GRPR: variants seen among roughly 807,000 people sequenced by gnomAD.
GRPR encodes gastrin-releasing peptide receptor.
Under a neutral mutation model 15.6 loss-of-function variants are expected in GRPR, and 4 were observed. The ratio of observed to expected loss-of-function variants is 0.26; its 90% confidence interval spans 0.13 to 0.59. GRPR has a LOEUF of 0.59. Ranked by LOEUF, GRPR falls within the 20% of genes least tolerant of loss-of-function variation. GRPR has a pLI of 0.90. For synonymous variants in GRPR, 128 were observed against 126.8 expected (o/e 1.01, Z -0.06); for missense variants, 270 against 304.1 (o/e 0.89, Z 0.83).
At chrX:16,129,136 G>T (rs2147030618) in intron 1 of GRPR, among the ~76,000 whole-genome samples, 1 of 111,900 alleles carries the variant, frequency 8.9e-6, no homozygotes, top group African/African-American at 3.2e-5. Flanking sequence ...TTGATTCTAT[G>T]GAAAGACTGG....
rs756001137 is a variant in GRPR at position 16,126,903 on chromosome X, C to G, written c.413+2537C>G. On this transcript the variant is annotated intron_variant, in intron 1 of 2. Coordinates refer to ENST00000380289, the MANE Select transcript of GRPR (RefSeq NM_005314.3). ...ATGATGATAACCTGCTCTGGACATT[C>G]TTATTCATGTCTTTGGGGAAACATA... is the stretch of plus-strand genomic sequence containing the variant. 2.7e-5 allele frequency among the ~76,000 whole-genome samples: 3 copies of G among 111,674 alleles called. No individual in the cohort carries two copies. In the South Asian group the frequency reaches 1.1e-3, roughly 42 times the overall value.
At chrX:16,127,906 A>G (rs952255916) in intron 1 of GRPR, among the ~76,000 whole-genome samples, 3 of 112,028 alleles carry the variant, frequency 2.7e-5, no homozygotes, top group Non-Finnish European at 5.6e-5. Flanking sequence ...TTGAAATATC[A>G]GACTTATTAT....
Position 16,152,733 on chromosome X carries a change from C to T in GRPR, c.*88C>T. ...CATCCATTGTTGTGTCTGTGCCCTC[C>T]AAAGAGCCTTCAGAATGCTCCTGAG... On this transcript the variant is annotated 3_prime_UTR_variant, in exon 3 of 3. Coordinates refer to ENST00000380289, the MANE Select transcript of GRPR (RefSeq NM_005314.3). 1.3e-6 allele frequency: 1 copy of T among 793,532 alleles called. No homozygotes were observed. Among genetic ancestry groups the T allele is most frequent in the Non-Finnish European group, 1.9e-6 (1 of 520,357 alleles). 65.4% of individuals were successfully genotyped at this position (793,532 alleles called of 1,213,427 possible). A position where few individuals can be genotyped will look rare whatever the true frequency, so the allele number is the denominator to read the frequency against.
intron 1 of GRPR, among the ~76,000 whole-genome samples, chrX:16,144,408 C>T (rs1163376565): frequency 1.8e-5 from 2 of 111,694 alleles, no homozygotes; most frequent in African/African-American, 3.2e-5. Flanking sequence ...TCGTCTTCAC[C>T]TCAGTATTCT....
intron 1 of GRPR, among the ~76,000 whole-genome samples, chrX:16,126,702 C>T (rs1922298295): frequency 8.9e-6 from 1 of 112,105 alleles, no homozygotes; most frequent in Non-Finnish European, 1.9e-5. Flanking sequence ...AGCAAGTACT[C>T]CTTTGTATCT....
At position 16,123,978 on chromosome X, in the gene GRPR, C is replaced by T. The variant is rs752798443; in HGVS notation, c.25C>T (p.Leu9=). Residue 9 remains leucine (L), a synonymous_variant, in exon 1 of 3, where the codon CTG becomes TTG. Coordinates refer to ENST00000380289, the MANE Select transcript of GRPR (RefSeq NM_005314.3). MALNDCFL[L]NLEVDHFMHC... ...GATGGCTCTAAATGACTGTTTCCTT[C>T]TGAACTTGGAGGTGGACCATTTCAT... 5 of 1,209,818 alleles carry T rather than the reference C, an allele frequency of 4.1e-6. No individual in the cohort carries two copies. The East Asian group carries it at 1.2e-4, about 29-fold the overall frequency.
intron 1 of GRPR, among the ~76,000 whole-genome samples, chrX:16,126,399 C>G (rs1349186211): frequency 8.9e-6 from 1 of 111,906 alleles, no homozygotes; most frequent in Non-Finnish European, 1.9e-5. Context: ...ATTCTTCTAT[C>G]TTATATCTCT....
At position 16,150,583 on chromosome X, in the gene GRPR, A is replaced by G. The variant is rs138436537; in HGVS notation, c.692A>G (p.Tyr231Cys). The G allele has an allele frequency of 5.4e-4, 641 of 1,197,931 alleles. 1 individual carries two copies. In the East Asian group the frequency reaches 0.015, roughly 29 times the overall value. Residue 231 changes from tyrosine to cysteine, a missense_variant, in exon 2 of 3, where the codon TAC becomes TGC. Coordinates refer to ENST00000380289, the MANE Select transcript of GRPR (RefSeq NM_005314.3). ...CTGTCGATCATCTCTGTTTACTACT[A>G]CTTCATTGCTAAAAATCTGATCCAG... ...IPLSIISVYY[Y>C]FIAKNLIQSA...
intron 1 of GRPR, 143 bp downstream of exon 1, chrX:16,124,509 G>C (rs898657208): frequency 1.3e-5 from 7 of 548,573 alleles, no homozygotes; most frequent in Non-Finnish European, 2.2e-5. Context: ...TTTTATTCTG[G>C]GTATGACTTC....
At chrX:16,126,137 GGTT>G (rs1922287503) in intron 1 of GRPR, among the ~76,000 whole-genome samples, 2 of 111,833 alleles carry the variant, frequency 1.8e-5, no homozygotes, top group South Asian at 7.6e-4. Context: ...TCAAAAGCCA[GGTT>G]GCACTCCTTC....
At chrX:16,138,904 G>T (rs1922488218) in intron 1 of GRPR, among the ~76,000 whole-genome samples, 2 of 111,710 alleles carry the variant, frequency 1.8e-5, no homozygotes, top group Admixed American at 9.5e-5. Context: ...CCTTATTTTT[G>T]TCATTTTCTT....
chrX:16,124,063 C>T lies in GRPR; in HGVS notation c.110C>T (p.Pro37Leu), dbSNP rs142119363. 203 of 1,206,000 alleles carry T rather than the reference C, an allele frequency of 1.7e-4. No individual in the cohort carries two copies. In the African/African-American group the frequency reaches 3.1e-3, roughly 18 times the overall value. Residue 37 changes from proline (P) to leucine (L), a missense_variant, in exon 1 of 3, where the codon CCG becomes CTG. Physicochemically the swap from Pro to Leu is moderately conservative, Grantham distance 98 (BLOSUM62 -3). Around this residue, in one of 3 missense-constraint regions of GRPR, gnomAD observed 115 missense variants for 128.8 expected, o/e 0.89. Transcript: ENST00000380289. The part of the protein sequence containing the change: ...DLPVNDDWSH[P>L]GILYVIPAVY... ...CCCGTGAACGATGACTGGTCCCACCCGGGGATCCTCTATGTCATCCCTGCA... is the reference window on the plus strand; with the variant it reads ...CCCGTGAACGATGACTGGTCCCACCTGGGGATCCTCTATGTCATCCCTGCA...
chrX:16,152,101 C>T (rs1244116171), intron 2 of GRPR, among the ~76,000 whole-genome samples, 155 bp from the exon 3 acceptor site: 1 of 110,122 alleles, frequency 9.1e-6, no homozygotes, highest in Non-Finnish European at 1.9e-5. Context: ...CTCTTGCCCT[C>T]TCCTATTGAA....
At chrX:16,144,826 T>G (rs1340296167) in intron 1 of GRPR, among the ~76,000 whole-genome samples, 1 of 112,075 alleles carries the variant, frequency 8.9e-6, no homozygotes, top group Non-Finnish European at 1.9e-5. Context: ...GGGAAACTTC[T>G]CTCTCTCATT....
chrX:16,137,664 A>G (rs1028105971), intron 1 of GRPR, among the ~76,000 whole-genome samples: 1 of 111,545 alleles, frequency 9.0e-6, no homozygotes, highest in African/African-American at 3.3e-5. Flanking sequence ...AGAAATAGGA[A>G]GTGTTTTGGC....
chrX:16,134,087 T>C (rs1167180097), intron 1 of GRPR, among the ~76,000 whole-genome samples: 1 of 112,080 alleles, frequency 8.9e-6, no homozygotes, highest in African/African-American at 3.2e-5. Flanking sequence ...AATTTCATAC[T>C]AGAGTCAGAC....
chrX:16,124,442 G>A, intron 1 of GRPR, 76 bp downstream of exon 1: 1 of 958,339 alleles, frequency 1.0e-6, no homozygotes, highest in Admixed American at 2.2e-5. Context: ...TGTCGGGACA[G>A]GGAGCTGATT....
intron 1 of GRPR, among the ~76,000 whole-genome samples, chrX:16,127,796 A>G (rs1224190081): frequency 9.0e-6 from 1 of 111,565 alleles, no homozygotes; most frequent in African/African-American, 3.3e-5. Flanking sequence ...AAATCTTGTG[A>G]TTGTTTTTTC....
At chrX:16,127,609 C>T (rs1446162246) in intron 1 of GRPR, among the ~76,000 whole-genome samples, 2 of 111,601 alleles carry the variant, frequency 1.8e-5, no homozygotes, top group South Asian at 3.8e-4. Context: ...ATTCCTCATC[C>T]CATGTGGCAT....
Sources: allele counts gnomAD v4.1 joint callset (sites outside exome capture counted in the v4.1 genomes callset), GRCh38; gene constraint gnomAD v4.1.1; regional missense constraint gnomAD v4.1.1; transcripts MANE v1.5; gene names NCBI Gene and HGNC (gene_info 2026-07-23, HGNC 2026-07-21).